SLIT3: variants seen among roughly 807,000 people sequenced by gnomAD.
The protein encoded by SLIT3 is slit homolog 3 protein.
In SLIT3, 68 loss-of-function variants were observed where a neutral mutation model predicts 184.0. That is an observed-to-expected ratio of 0.37 (90% CI 0.30 to 0.45). The LOEUF (loss-of-function observed/expected upper bound fraction) is 0.45. Among genes scored for constraint, SLIT3 ranks in the 20% least tolerant of loss-of-function variants. The pLI, the probability that SLIT3 is intolerant of heterozygous loss-of-function variation, is 1.00. For missense variants in SLIT3, 1,707 were observed against 2,026.0 expected (o/e 0.84, Z 3.02); for synonymous variants, 831 against 828.6 (o/e 1.00, Z -0.05).
At chr5:168,799,269 C>A (rs996373439) in intron 9 of SLIT3, among the ~76,000 whole-genome samples, 1 of 152,228 alleles carries the variant, frequency 6.6e-6, no homozygotes, top group Non-Finnish European at 1.5e-5. Context: ...GAAGCATTTG[C>A]ATCAGCAAAA....
intron 4 of SLIT3, among the ~76,000 whole-genome samples, chr5:168,907,800 A>G (rs1174762791): frequency 6.6e-6 from 1 of 151,366 alleles, no homozygotes; most frequent in East Asian, 1.9e-4. Flanking sequence ...ATACACATGT[A>G]TGTGTGTATA....
chr5:168,995,787 G>C (rs1755490014), intron 4 of SLIT3: 1 of 152,384 alleles, frequency 6.6e-6, no homozygotes, highest in Non-Finnish European at 1.5e-5. Context: ...CCAGCACCAA[G>C]CTGGGACCCC....
chr5:168,977,085 A>G (rs1028123579), intron 4 of SLIT3, among the ~76,000 whole-genome samples: 1 of 152,196 alleles, frequency 6.6e-6, no homozygotes, highest in Non-Finnish European at 1.5e-5. Context: ...AAGTTAATGA[A>G]GACAAGTGAC....
intron 4 of SLIT3, among the ~76,000 whole-genome samples, chr5:168,884,349 G>A (rs547658792): frequency 2.0e-5 from 3 of 150,602 alleles, no homozygotes; most frequent in Non-Finnish European, 3.0e-5. Flanking sequence ...TGGTCGGGGG[G>A]TGCAGAGCCG....
chr5:168,691,747 A>G (rs1003864936), intron 29 of SLIT3, among the ~76,000 whole-genome samples: 5 of 152,170 alleles, frequency 3.3e-5, no homozygotes, highest in East Asian at 1.9e-4. Context: ...CTGGGAGAAG[A>G]AGGAGGCAGC....
intron 4 of SLIT3, among the ~76,000 whole-genome samples, chr5:168,935,092 C>T (rs1195693815): frequency 2.0e-5 from 3 of 147,104 alleles, no homozygotes; most frequent in African/African-American, 5.0e-5. Context: ...GAGCCGACAT[C>T]GCACCACTGC....
Position 169,246,740 on chromosome 5 carries a change from G to A in SLIT3, c.270-1964C>T, listed in dbSNP as rs973702652. Among the ~76,000 whole-genome samples, 14 of 149,596 alleles carry A rather than the reference G, an allele frequency of 9.4e-5. No individual in the cohort carries two copies. The East Asian group carries it at 2.6e-3, about 27-fold the overall frequency. Reference sequence around the variant, plus strand: ...TCAAGACCAGCCTGGCCAACATGGTGAAACTCTGTCTCTACTGAAAATACA... The same window carrying A: ...TCAAGACCAGCCTGGCCAACATGGTAAAACTCTGTCTCTACTGAAAATACA... On this transcript the variant is annotated intron_variant, in intron 2 of 35. Transcript: ENST00000519560.
chr5:169,244,580 T>C (rs1765517164), intron 3 of SLIT3, 125 bp downstream of exon 3: 2 of 735,008 alleles, frequency 2.7e-6, no homozygotes, highest in Non-Finnish European at 4.6e-6. Context: ...GCAAACATTC[T>C]ATTTAAACAC....
intron 4 of SLIT3, among the ~76,000 whole-genome samples, chr5:169,000,891 AAT>A (rs1755680687): frequency 6.6e-6 from 1 of 152,166 alleles, no homozygotes; most frequent in South Asian, 2.1e-4. Context: ...TCAGTTCTAA[AAT>A]CTCTCTCAAA....
intron 4 of SLIT3, among the ~76,000 whole-genome samples, chr5:168,958,305 T>C (rs1424460300): frequency 1.3e-5 from 2 of 152,222 alleles, no homozygotes; most frequent in Non-Finnish European, 2.9e-5. Context: ...ACTGGAAGGA[T>C]AGTTTATGAA....
In SLIT3 at chr5:169,273,359, A is replaced by T. The variant is rs767188942; in HGVS notation, c.198-21900T>A. 3.3e-5 allele frequency among the ~76,000 whole-genome samples: 5 copies of T among 152,312 alleles called. No homozygotes were observed. In the East Asian group the frequency reaches 9.6e-4, roughly 29 times the overall value. Reference sequence around the variant, plus strand: ...AGAGAGAGAGATGATCACTCTGTACATTCAAGAGGCGTGCATAGCTTCCCA... The same window carrying T: ...AGAGAGAGAGATGATCACTCTGTACTTTCAAGAGGCGTGCATAGCTTCCCA... On this transcript the variant is annotated intron_variant, in intron 1 of 35. Coordinates refer to ENST00000519560, the MANE Select transcript of SLIT3 (RefSeq NM_003062.4).
intron 16 of SLIT3, among the ~76,000 whole-genome samples, chr5:168,758,608 G>C (rs1444730696): frequency 6.6e-6 from 1 of 152,188 alleles, no homozygotes; most frequent in Non-Finnish European, 1.5e-5. Context: ...CCTTCTCTCA[G>C]CTGGCCCCCC....
intron 4 of SLIT3, among the ~76,000 whole-genome samples, chr5:169,038,517 C>T (rs903677419): frequency 5.3e-5 from 8 of 152,074 alleles, no homozygotes; most frequent in African/African-American, 1.9e-4. Flanking sequence ...CATTAGGTAA[C>T]GAGTTGGCAC....
chr5:169,200,657 G>A (rs1393002566), intron 3 of SLIT3, among the ~76,000 whole-genome samples: 1 of 152,126 alleles, frequency 6.6e-6, no homozygotes, highest in African/African-American at 2.4e-5. Context: ...ACTATAAATC[G>A]GGGGCAAAAA....
chr5:169,029,651 T>C (rs547526205), intron 4 of SLIT3, among the ~76,000 whole-genome samples: 77 of 152,342 alleles, frequency 5.1e-4, no homozygotes, highest in African/African-American at 1.7e-3. Flanking sequence ...GTAACTTACA[T>C]CTTCCTGTGT....
At chr5:169,238,563 T>TTA (rs10696194) in intron 3 of SLIT3, among the ~76,000 whole-genome samples, 3 of 147,110 alleles carry the variant, frequency 2.0e-5, no homozygotes, top group Non-Finnish European at 4.5e-5. Flanking sequence ...TTTTTTTTTT[T>TTA]AAGATTTAAG....
Position 168,897,646 on chromosome 5 carries a change from G to GCACACACACACACACA in SLIT3, c.414-14311_414-14310insTGTGTGTGTGTGTGTG. Among the ~76,000 whole-genome samples, 134 of 105,384 alleles carry GCACACACACACACACA rather than the reference G, an allele frequency of 1.3e-3. 1 individual carries two copies. Among genetic ancestry groups the GCACACACACACACACA allele is most frequent in the African/African-American group, 4.2e-3 (101 of 23,814 alleles). The allele number at this position is 105,384 out of a possible 152,430, so 69.1% of individuals were successfully genotyped here. Reference sequence around the variant, plus strand: ...AGAAAGAGGATGGAGACAGGTGCACGTACACACACACACACACACACACAC... The same window carrying GCACACACACACACACA: ...AGAAAGAGGATGGAGACAGGTGCACGCACACACACACACACATACACACACACACACACACACACAC... On this transcript the variant is annotated intron_variant, in intron 4 of 35. Coordinates refer to ENST00000519560, the MANE Select transcript of SLIT3 (RefSeq NM_003062.4).
intron 4 of SLIT3, among the ~76,000 whole-genome samples, chr5:168,937,787 A>G (rs1320064580): frequency 3.3e-5 from 5 of 152,178 alleles, no homozygotes; most frequent in Admixed American, 6.5e-5. Context: ...GCTATCCTGT[A>G]TATTTTTAAG....
intron 4 of SLIT3, among the ~76,000 whole-genome samples, chr5:168,973,737 C>T (rs1427133720): frequency 1.3e-5 from 2 of 152,172 alleles, no homozygotes; most frequent in African/African-American, 4.8e-5. Flanking sequence ...CTCCTATACC[C>T]TCTTCCTCCT....
Sources: gnomAD v4.1 joint callset for allele counts (sites outside exome capture counted in the v4.1 genomes callset) on GRCh38, gnomAD v4.1.1 for gene constraint, MANE v1.5 for transcripts, NCBI Gene and HGNC (gene_info 2026-07-23, HGNC 2026-07-21) for gene names.